The following FANCA variants were observed in gnomAD, a reference collection of about 807,000 sequenced individuals.
The protein encoded by FANCA is Fanconi anemia group A protein.
A neutral mutation model predicts 194.3 loss-of-function variants in FANCA; 236 were observed. That is an observed-to-expected ratio of 1.21 (90% confidence interval 1.09 to 1.35). The LOEUF is 1.35. Ranked by LOEUF, FANCA falls within the 40% of genes most tolerant of loss-of-function variation. The pLI is 0.00. For missense variants in FANCA, 2,628 were observed against 1,813.9 expected, an observed-to-expected ratio of 1.45 and a Z score of -8.15; for synonymous variants, 1,014 against 715.8, an observed-to-expected ratio of 1.42 and a Z score of -6.65.
chr16:89,792,135 C>A (rs942561349), intron 12 of FANCA, 67 bp from the exon 13 acceptor site: 1 of 1,598,276 alleles, frequency 6.3e-7, no homozygotes, highest in East Asian at 2.2e-5. Flanking sequence ...GACCCCTCAC[C>A]TTCCTCCCAG....
chr16:89,779,281 G>C (rs1375329168), intron 18 of FANCA, among the ~76,000 whole-genome samples: 1 of 152,106 alleles, frequency 6.6e-6, no homozygotes, highest in Non-Finnish European at 1.5e-5. Context: ...ACCATGTAAG[G>C]TCCATTTGGG....
At chr16:89,788,191 G>A (rs1166142772) in intron 14 of FANCA, among the ~76,000 whole-genome samples, 4 of 152,170 alleles carry the variant, frequency 2.6e-5, no homozygotes, top group Admixed American at 6.5e-5. Flanking sequence ...GGCCAAGTGC[G>A]TTGGCTCATG....
At chr16:89,813,806 CTGTGTGTGTG>C (rs71137678) in intron 3 of FANCA, among the ~76,000 whole-genome samples, 4 of 149,432 alleles carry the variant, frequency 2.7e-5, no homozygotes, top group Admixed American at 1.3e-4. Flanking sequence ...AAGTCTTTTA[CTGTGTGTGTG>C]TGTGTGTGTG....
At chr16:89,804,214 C>G (rs947115532) in intron 7 of FANCA, among the ~76,000 whole-genome samples, 7 of 152,156 alleles carry the variant, frequency 4.6e-5, no homozygotes, top group African/African-American at 1.7e-4. Context: ...AAAAAACCCA[C>G]AAGCTACTGT....
intron 11 of FANCA, among the ~76,000 whole-genome samples, chr16:89,793,174 G>A (rs1459961263): frequency 6.6e-6 from 1 of 152,132 alleles, no homozygotes; most frequent in African/African-American, 2.4e-5. Flanking sequence ...GAAAGGGAGA[G>A]TCCCTTTCCC....
intron 35 of FANCA, 90 bp downstream of exon 35, chr16:89,746,494 G>T: frequency 9.8e-7 from 1 of 1,023,446 alleles, no homozygotes; most frequent in Non-Finnish European, 1.5e-6. Flanking sequence ...TAACACCCGT[G>T]ATGGAGACGT....
At position 89,762,234 on chromosome 16, in the gene FANCA, C is replaced by T. The variant is rs527425866; in HGVS notation, c.2779-212G>A. Among the ~76,000 whole-genome samples, 10 of 152,292 alleles carry T rather than the reference C, an allele frequency of 6.6e-5. No homozygotes were observed. The South Asian group carries it at 1.9e-3, about 28-fold the overall frequency. On this transcript the variant is annotated intron_variant, in intron 28 of 42. Transcript: ENST00000389301. Reference sequence around the variant, plus strand: ...TTTCCCTAGCACAAAGATGTTAGTACTGTAATCCTTCTTTCTAAGTATAAA... The same window carrying T: ...TTTCCCTAGCACAAAGATGTTAGTATTGTAATCCTTCTTTCTAAGTATAAA...
intron 13 of FANCA, 54 bp from the exon 14 acceptor site, chr16:89,791,590 A>G: frequency 3.7e-6 from 6 of 1,609,828 alleles, no homozygotes; most frequent in African/African-American, 2.7e-5. Flanking sequence ...CAGCAGGAAC[A>G]TGACGTGAGT....
At chr16:89,804,087 G>C (rs899496172) in intron 7 of FANCA, among the ~76,000 whole-genome samples, 14 of 152,088 alleles carry the variant, frequency 9.2e-5, no homozygotes, top group African/African-American at 3.4e-4. Flanking sequence ...AAGACCAAGA[G>C]GACTGAAATC....
In FANCA at chr16:89,796,001, C is replaced by T. The variant is rs745451374; in HGVS notation, c.911G>A (p.Gly304Glu). The change falls in exon 11 of 43, where the codon GGA becomes GAA. Residue 304 changes from glycine (G) to glutamate (E), a missense_variant. By Grantham distance (98) the Gly-to-Glu change is moderately conservative. Coordinates refer to ENST00000389301, the MANE Select transcript of FANCA (RefSeq NM_000135.4). The part of the protein sequence containing the change: ...IVRCWFGVFS[G>E]HTLGSVISTD... ...GGAAATTACACTGCCAAGCGTGTGT[C>T]CACTGAACACTCCGAACCTGCCAAT... 1 of 1,613,946 alleles carries T rather than the reference C, an allele frequency of 6.2e-7. No homozygotes were observed. The highest frequency in any genetic ancestry group is 8.5e-7 in the Non-Finnish European group (1 of 1,179,832).
In FANCA at chr16:89,787,347, C is replaced by T. The variant is rs1027222863; in HGVS notation, c.1360-2383G>A. On this transcript the variant is annotated intron_variant, in intron 14 of 42. Coordinates refer to ENST00000389301, the MANE Select transcript of FANCA (RefSeq NM_000135.4). ...GACCATCCTGGCTAACCCGGTGAAACCCTGTCTCTACTAAAAATACAAAAA... is the reference window on the plus strand; with the variant it reads ...GACCATCCTGGCTAACCCGGTGAAATCCTGTCTCTACTAAAAATACAAAAA... Among the ~76,000 whole-genome samples, 86 of 152,062 alleles carry T rather than the reference C, an allele frequency of 5.7e-4. 5 individuals carry two copies. The highest frequency in any genetic ancestry group is 1.5e-5 in the Non-Finnish European group (1 of 68,010).
rs1555564092 is a variant in FANCA at position 89,795,323 on chromosome 16, T to TAAATAAATAAAA, written c.1006+582_1006+583insTTTTATTTATTT. Among the ~76,000 whole-genome samples, 27 of 147,956 alleles carry TAAATAAATAAAA rather than the reference T, an allele frequency of 1.8e-4. 1 individual carries two copies. The highest frequency in any genetic ancestry group is 1.2e-3 in the East Asian group (6 of 5,006). The stretch of plus-strand genomic sequence containing the variant: ...ATAAATAAATAAATAAATAAATAAA[T>TAAATAAATAAAA]AAAATAAAGATATTTCTATTTTACG... On this transcript the variant is annotated intron_variant, in intron 11 of 42. Transcript: ENST00000389301.
intron 21 of FANCA, among the ~76,000 whole-genome samples, chr16:89,774,394 G>A (rs2039423759): frequency 6.6e-6 from 1 of 152,078 alleles, no homozygotes; most frequent in Non-Finnish European, 1.5e-5. Context: ...ACACAGCCCT[G>A]AGGCCCCTGT....
At chr16:89,767,963 G>C (rs1245179670) in intron 26 of FANCA, among the ~76,000 whole-genome samples, 1 of 152,132 alleles carries the variant, frequency 6.6e-6, no homozygotes, top group Non-Finnish European at 1.5e-5. Context: ...TGGGATTACA[G>C]CGTTAGCCAC....
At chr16:89,770,822 T>C (rs1460399423) in intron 23 of FANCA, among the ~76,000 whole-genome samples, 188 bp from the exon 24 acceptor site, 1 of 152,158 alleles carries the variant, frequency 6.6e-6, no homozygotes, top group African/African-American at 2.4e-5. Context: ...ATCTTGGGAA[T>C]AGCAGCCCTC....
intron 35 of FANCA, among the ~76,000 whole-genome samples, chr16:89,745,981 T>C (rs562934936): frequency 1.9e-4 from 29 of 152,256 alleles, no homozygotes; most frequent in Admixed American, 1.2e-3. Context: ...GAACATGCCG[T>C]GCTGCGGAGA....
chr16:89,803,692 C>T (rs866481771), intron 7 of FANCA, among the ~76,000 whole-genome samples: 8 of 148,348 alleles, frequency 5.4e-5, no homozygotes, highest in Middle Eastern at 6.8e-3. Context: ...GGTATGATCT[C>T]GCTCACTGCA....
At chr16:89,746,268 A>G (rs1186129456) in intron 35 of FANCA, among the ~76,000 whole-genome samples, 1 of 152,172 alleles carries the variant, frequency 6.6e-6, no homozygotes, top group African/African-American at 2.4e-5. Context: ...TGCACAACCC[A>G]AGACCGTGAA....
At chr16:89,763,247 CAA>C (rs59277049) in intron 28 of FANCA, among the ~76,000 whole-genome samples, 9,058 of 148,592 alleles carry the variant, frequency 0.061, 419 homozygotes, top group East Asian at 0.23. Context: ...ATTCCATCTC[CAA>C]AAAAAAAAAT....
Sources: gnomAD v4.1 joint callset for allele counts (sites outside exome capture counted in the v4.1 genomes callset) on GRCh38, gnomAD v4.1.1 for gene constraint, MANE v1.5 for transcripts, NCBI Gene and HGNC (gene_info 2026-07-23, HGNC 2026-07-21) for gene names.